Variants in FAM131B observed in about 807,000 individuals in gnomAD.
FAM131B encodes the protein protein FAM131B.
A neutral mutation model predicts 42.0 loss-of-function variants in FAM131B; 19 were observed. The observed-to-expected ratio is 0.45, with a 90% confidence interval of 0.32 to 0.66. FAM131B has a LOEUF of 0.66. Among genes scored for constraint, FAM131B ranks in the 30% least tolerant of loss-of-function variants. The pLI, the probability that FAM131B is intolerant of heterozygous loss-of-function variation, is 0.05. For synonymous variants in FAM131B, 183 were observed against 177.6 expected, an observed-to-expected ratio of 1.03 and a Z score of -0.24; for missense variants, 370 against 468.4, an observed-to-expected ratio of 0.79 and a Z score of 1.94.
At chr7:143,381,916 T>A in the FAM131B span, 1 of 889,242 alleles carries the variant, frequency 1.1e-6, no homozygotes, top group Non-Finnish European at 1.7e-6. Flanking sequence ...CAGATGTTCT[T>A]ACCTCATCGT....
the FAM131B span, chr7:143,381,437 C>T: frequency 7.8e-7 from 1 of 1,279,172 alleles, no homozygotes; most frequent in African/African-American, 1.6e-5. Context: ...GCAGGGCGGC[C>T]CCACGGGGAG....
rs1018342724 is a variant in FAM131B at position 143,353,758 on chromosome 7, TC to T, written c.*2791del. 3.0e-4 allele frequency: 45 copies of T among 151,882 alleles called. No individual in the cohort carries two copies. Among genetic ancestry groups the T allele is most frequent in the African/African-American group, 1.1e-3 (44 of 41,130 alleles). 9.4% of individuals were successfully genotyped at this position (151,882 alleles called of 1,614,324 possible). A position where few individuals can be genotyped will look rare whatever the true frequency, so the allele number is the denominator to read the frequency against. ...AAACTCATTCCCCAAGATACCCTCT[TC>T]AACACAAGGACAAGAAGGAAGGTGT... is the stretch of plus-strand genomic sequence containing the variant. On this transcript the variant is annotated 3_prime_UTR_variant, in exon 7 of 7. Coordinates refer to ENST00000443739, the MANE Select transcript of FAM131B (RefSeq NM_001031690.3).
chr7:143,358,601 G>A lies in FAM131B; in HGVS notation c.466+226C>T, dbSNP rs1159014183. ...GGAGAGAAGGCATCTGGGATGGGTG[G>A]ACCCACAAATCCCATCTAATTACAC... On this transcript the variant is annotated intron_variant, in intron 5 of 6. Coordinates refer to ENST00000443739, the MANE Select transcript of FAM131B (RefSeq NM_001031690.3). This position sits in a 1 kb window ranked among gnomAD's most constrained non-coding sequence, Gnocchi z 4.7. Among the ~76,000 whole-genome samples, 1 of 152,162 alleles carries A rather than the reference G, an allele frequency of 6.6e-6. No homozygotes were observed. Among genetic ancestry groups the A allele is most frequent in the Non-Finnish European group, 1.5e-5 (1 of 68,036 alleles).
At chr7:143,376,315 T>C in the FAM131B span, among the ~76,000 whole-genome samples, 1 of 152,356 alleles carries the variant, frequency 6.6e-6, no homozygotes, top group African/African-American at 2.4e-5. Flanking sequence ...CTTAAGTATT[T>C]TCCCCCCAGA....
chr7:143,379,999 GA>G, the FAM131B span: 1 of 930,114 alleles, frequency 1.1e-6, no homozygotes, highest in Non-Finnish European at 1.3e-6. Context: ...TTAGTCCTCG[GA>G]TGATCTCTAA....
At chr7:143,381,502 C>A in the FAM131B span, 8 of 1,514,882 alleles carry the variant, frequency 5.3e-6, no homozygotes, top group Non-Finnish European at 7.1e-6. Context: ...GAGCTGGGAC[C>A]GCCTGGGGCT....
chr7:143,377,021 G>C, the FAM131B span, among the ~76,000 whole-genome samples: 281 of 152,296 alleles, frequency 1.8e-3, 2 homozygotes, highest in African/African-American at 6.5e-3. Flanking sequence ...CCAGGATGGA[G>C]TGCAGTGGCA....
At chr7:143,361,757 T>A (rs1331159695) in intron 1 of FAM131B, 1 of 151,488 alleles carries the variant, frequency 6.6e-6, no homozygotes, top group African/African-American at 2.4e-5. Flanking sequence ...GCGCCTCTCT[T>A]CCCTCCCCGC....
chr7:143,360,180 C>T (rs1202552000), intron 1 of FAM131B, 31 bp from the exon 2 acceptor site: 1 of 1,576,742 alleles, frequency 6.3e-7, no homozygotes, highest in Admixed American at 1.8e-5. Context: ...GCCGCCGGCC[C>T]TCACCTCCCT....
the FAM131B span, among the ~76,000 whole-genome samples, chr7:143,374,820 G>T: frequency 6.6e-6 from 1 of 152,106 alleles, no homozygotes. Flanking sequence ...CTTAACTTCT[G>T]CTTACCGTTC....
In FAM131B at chr7:143,362,567, G is replaced by A. The variant is rs1804054205; in HGVS notation, c.28+9C>T. ...CCCAGCCCTGCCCCCGCCCGGCCGC[G>A]GTACCCACCCACAGTCCGGGAGCCG... On this transcript the variant is annotated intron_variant, in intron 1 of 6. Coordinates refer to ENST00000443739, the MANE Select transcript of FAM131B (RefSeq NM_001031690.3). This position sits in a 1 kb window ranked among gnomAD's most constrained non-coding sequence, Gnocchi z 7.7. The A allele has an allele frequency of 4.9e-6, 6 of 1,219,776 alleles. No individual in the cohort carries two copies. Among genetic ancestry groups the A allele is most frequent in the Non-Finnish European group, 5.1e-6 (5 of 979,140 alleles). The allele number at this position is 1,219,776 out of a possible 1,614,324, so 75.6% of individuals were successfully genotyped here.
the FAM131B span, chr7:143,380,047 C>G: frequency 1.0e-6 from 1 of 984,556 alleles, no homozygotes. The surrounding 1 kb of genome is among the most constrained non-coding windows in gnomAD (Gnocchi z 5.0). Context: ...TAGAGTGTAG[C>G]CGGATTTGGA....
rs908813231 is a variant in FAM131B, at chr7:143,354,827, G to C, written c.*1723C>G. 4.6e-5 allele frequency: 7 copies of C among 152,284 alleles called. No individual in the cohort carries two copies. The highest frequency in any genetic ancestry group is 7.3e-5 in the Non-Finnish European group (5 of 68,138). The allele number at this position is 152,284 out of a possible 1,614,324, so 9.4% of individuals were successfully genotyped here. On this transcript the variant is annotated 3_prime_UTR_variant, in exon 7 of 7. Coordinates refer to ENST00000443739, the MANE Select transcript of FAM131B (RefSeq NM_001031690.3). ...CCCTGCTTGCATCCCAGAAGTGTGA[G>C]TAAGAGAGTATGAACTTGATGGCGG...
At chr7:143,357,168 G>A in intron 6 of FAM131B, 112 bp downstream of exon 6, 1 of 1,264,128 alleles carries the variant, frequency 7.9e-7, no homozygotes, top group Non-Finnish European at 1.1e-6. Context: ...AGGACAATGG[G>A]AAAGCTGAGA....
chr7:143,368,919 A>C, the FAM131B span, among the ~76,000 whole-genome samples: 1 of 152,240 alleles, frequency 6.6e-6, no homozygotes, highest in Non-Finnish European at 1.5e-5. Flanking sequence ...TAATGTGTTT[A>C]ATACATAGTG....
At chr7:143,365,111 A>G (rs1804150230), upstream of FAM131B, among the ~76,000 whole-genome samples, 1 of 152,244 alleles carries the variant, frequency 6.6e-6, no homozygotes, top group Non-Finnish European at 1.5e-5. Flanking sequence ...AAAAGATTCA[A>G]TTGAGAAAGG....
chr7:143,377,991 C>T, the FAM131B span, among the ~76,000 whole-genome samples: 1 of 152,240 alleles, frequency 6.6e-6, no homozygotes, highest in South Asian at 2.1e-4. Context: ...GCTGGGATTA[C>T]AGGCGTGAGC....
chr7:143,372,982 T>TA, the FAM131B span, among the ~76,000 whole-genome samples: 5 of 151,776 alleles, frequency 3.3e-5, no homozygotes, highest in East Asian at 1.9e-4. Context: ...AAAATAATAA[T>TA]AATAAATAAA....
chr7:143,371,613 C>CAAAAA, the FAM131B span, among the ~76,000 whole-genome samples: 8 of 75,004 alleles, frequency 1.1e-4, no homozygotes, highest in African/African-American at 3.0e-4. Flanking sequence ...GACCCTGTCT[C>CAAAAA]AAAAAAAAAA....
Sources: gnomAD v4.1 joint callset for allele counts (sites outside exome capture counted in the v4.1 genomes callset) on GRCh38, gnomAD v4.1.1 for gene constraint, Gnocchi (gnomAD v3.1) non-coding constraint, MANE v1.5 for transcripts, NCBI Gene and HGNC (gene_info 2026-07-23, HGNC 2026-07-21) for gene names.